Variants in SGCZ observed in about 807,000 individuals in gnomAD.
SGCZ encodes the protein zeta-sarcoglycan.
A neutral mutation model predicts 41.3 loss-of-function variants in SGCZ; 40 were observed. That is an observed-to-expected ratio of 0.97 (90% CI 0.75 to 1.26). The LOEUF (loss-of-function observed/expected upper bound fraction) is 1.26, where lower values mean the gene tolerates loss of function less well. Ranked by LOEUF, SGCZ falls within the 50% of genes most tolerant of loss-of-function variation. SGCZ has a pLI of 0.00. For missense variants in SGCZ, 552 were observed against 369.8 expected, an observed-to-expected ratio of 1.49 and a Z score of -4.04; for synonymous variants, 206 against 137.5, an observed-to-expected ratio of 1.50 and a Z score of -3.49.
chr8:15,045,490 G>T (rs1804270313), intron 1 of SGCZ, among the ~76,000 whole-genome samples: 1 of 152,056 alleles, frequency 6.6e-6, no homozygotes, highest in South Asian at 2.1e-4. Flanking sequence ...TAACCAAGTT[G>T]CTTTCCTTGG....
At chr8:14,377,872 T>C (rs1804193885) in intron 2 of SGCZ, among the ~76,000 whole-genome samples, 1 of 151,784 alleles carries the variant, frequency 6.6e-6, no homozygotes, top group Non-Finnish European at 1.5e-5. Context: ...TCATTTTTTA[T>C]GGCTGCATAG....
At chr8:14,440,504 C>G (rs1800218366) in intron 2 of SGCZ, among the ~76,000 whole-genome samples, 1 of 151,572 alleles carries the variant, frequency 6.6e-6, no homozygotes, top group Non-Finnish European at 1.5e-5. Context: ...CAATTTAACT[C>G]TTAGGTTTTT....
intron 3 of SGCZ, among the ~76,000 whole-genome samples, chr8:14,286,827 G>A (rs1354507584): frequency 6.6e-6 from 1 of 152,100 alleles, no homozygotes; most frequent in Non-Finnish European, 1.5e-5. Context: ...TTTCTAGAAA[G>A]ATTGAAGCAA....
intron 2 of SGCZ, among the ~76,000 whole-genome samples, chr8:14,378,612 G>A (rs1404989270): frequency 6.6e-6 from 1 of 152,094 alleles, no homozygotes; most frequent in African/African-American, 2.4e-5. Context: ...ATCAAAAAGT[G>A]GGCGAAGGAC....
At chr8:14,969,574 A>G (rs1801227910) in intron 1 of SGCZ, among the ~76,000 whole-genome samples, 1 of 151,798 alleles carries the variant, frequency 6.6e-6, no homozygotes, top group Admixed American at 6.6e-5. Context: ...GCTTGATAAC[A>G]CTGTAGGTTA....
chr8:14,553,359 G>A (rs1477351934), intron 2 of SGCZ, among the ~76,000 whole-genome samples: 1 of 151,990 alleles, frequency 6.6e-6, no homozygotes, highest in East Asian at 1.9e-4. Context: ...ACCCTCACAT[G>A]GCCTCATGCC....
At chr8:14,818,396 C>T (rs922121407) in intron 1 of SGCZ, among the ~76,000 whole-genome samples, 7 of 152,172 alleles carry the variant, frequency 4.6e-5, no homozygotes, top group Non-Finnish European at 7.3e-5. Flanking sequence ...AGAAACTGCA[C>T]AGAGACCACA....
At chr8:15,187,031 C>G (rs1800371021) in intron 1 of SGCZ, among the ~76,000 whole-genome samples, 1 of 152,064 alleles carries the variant, frequency 6.6e-6, no homozygotes, top group South Asian at 2.1e-4. Context: ...GCATTACGTC[C>G]AATGATTTCC....
At position 14,648,537 on chromosome 8, in the gene SGCZ, C is replaced by G. The variant is rs78515182; in HGVS notation, c.40-93611G>C. 1.6e-4 allele frequency among the ~76,000 whole-genome samples: 24 copies of G among 152,084 alleles called. 1 individual carries two copies. The highest frequency in any genetic ancestry group is 3.1e-4 in the Non-Finnish European group (21 of 67,968). ...AAGCTATAAGATTAAAGGTTCCAAA[C>G]TGGAATACAGCAAAAAATGAATTCC... On this transcript the variant is annotated intron_variant, in intron 1 of 7. Transcript: ENST00000382080.
intron 1 of SGCZ, among the ~76,000 whole-genome samples, chr8:14,860,306 C>G (rs1012733975): frequency 1.9e-4 from 29 of 151,848 alleles, no homozygotes; most frequent in African/African-American, 7.0e-4. Context: ...AGCAATTTGA[C>G]GCTAACTACA....
intron 1 of SGCZ, among the ~76,000 whole-genome samples, chr8:14,784,465 A>G (rs572790140): frequency 2.0e-5 from 3 of 152,236 alleles, no homozygotes; most frequent in East Asian, 3.9e-4. Context: ...ATAGTATCAA[A>G]TTTGGGTAAA....
At position 14,153,395 on chromosome 8, in the gene SGCZ, G is replaced by A. The variant is rs192338846; in HGVS notation, c.547+11185C>T. ...AAAGAGTGAGCTCCAGCCTACCTCT[G>A]AATACCAGTGCAAGGCTTAGAGGAA... On this transcript the variant is annotated intron_variant, in intron 5 of 7. Transcript: ENST00000382080. Among the ~76,000 whole-genome samples the A allele has an allele frequency of 1.3e-3, 204 of 152,228 alleles. 1 individual carries two copies. The highest frequency in any genetic ancestry group is 4.7e-3 in the African/African-American group (194 of 41,530).
At chr8:15,236,591 T>C (rs1470968677) in intron 1 of SGCZ, among the ~76,000 whole-genome samples, 1 of 152,184 alleles carries the variant, frequency 6.6e-6, no homozygotes, top group African/African-American at 2.4e-5. Context: ...TCCCGCTTTT[T>C]CGTTTACGGT....
At chr8:14,766,419 T>C (rs971313324) in intron 1 of SGCZ, among the ~76,000 whole-genome samples, 9 of 152,194 alleles carry the variant, frequency 5.9e-5, no homozygotes, top group African/African-American at 7.2e-5. Context: ...TTCTAAATGA[T>C]GAACGTCTTA....
At chr8:14,350,112 G>C (rs1803034182) in intron 2 of SGCZ, among the ~76,000 whole-genome samples, 1 of 152,014 alleles carries the variant, frequency 6.6e-6, no homozygotes, top group Non-Finnish European at 1.5e-5. Flanking sequence ...AAATGTCTTT[G>C]GAAGGTGAAC....
chr8:14,376,179 C>T (rs561382928), intron 2 of SGCZ, among the ~76,000 whole-genome samples: 4 of 151,782 alleles, frequency 2.6e-5, no homozygotes, highest in East Asian at 3.9e-4. Context: ...GGCATGGTGG[C>T]GGCCGCCTGT....
intron 1 of SGCZ, among the ~76,000 whole-genome samples, chr8:14,933,421 CT>C (rs1346201288): frequency 2.1e-5 from 2 of 96,828 alleles, no homozygotes; most frequent in Admixed American, 1.1e-4. Flanking sequence ...ATTCCATATA[CT>C]TTTTTTTTCT....
At chr8:14,807,266 A>G (rs1168654573) in intron 1 of SGCZ, among the ~76,000 whole-genome samples, 4 of 152,138 alleles carry the variant, frequency 2.6e-5, no homozygotes, top group Admixed American at 6.5e-5. Context: ...AGGGTATTCA[A>G]TTAGGAAAAG....
intron 2 of SGCZ, among the ~76,000 whole-genome samples, chr8:14,393,591 T>C (rs1003663469): frequency 1.3e-5 from 2 of 152,192 alleles, no homozygotes; most frequent in Admixed American, 1.3e-4. Context: ...TTTCGGTGCA[T>C]TCACCATCAG....
Sources: allele counts gnomAD v4.1 joint callset (sites outside exome capture counted in the v4.1 genomes callset), GRCh38; gene constraint gnomAD v4.1.1; transcripts MANE v1.5; gene names NCBI Gene and HGNC (gene_info 2026-07-23, HGNC 2026-07-21).